UBAP1: variants seen among roughly 807,000 people sequenced by gnomAD.
UBAP1 encodes ubiquitin associated protein 1, also known as ubiquitin-associated protein 1.
A neutral mutation model predicts 39.0 loss-of-function variants in UBAP1; 5 were observed. The ratio of observed to expected loss-of-function variants is 0.13; its 90% CI spans 0.07 to 0.27. The LOEUF (loss-of-function observed/expected upper bound fraction) is 0.27, where lower values mean the gene tolerates loss of function less well. Ranked by LOEUF, UBAP1 falls within the 10% of genes least tolerant of loss-of-function variation. UBAP1 has a pLI of 1.00. For synonymous variants in UBAP1, 211 were observed against 225.1 expected (o/e 0.94, Z 0.56); for missense variants, 490 against 608.1 (o/e 0.81, Z 2.04).
intron 4 of UBAP1, among the ~76,000 whole-genome samples, chr9:34,246,411 T>C (rs777038710): frequency 2.6e-5 from 4 of 152,238 alleles, no homozygotes; most frequent in Non-Finnish European, 5.9e-5. Flanking sequence ...GAAGAAGAGA[T>C]GGTAAAGACA....
At chr9:34,204,614 T>G (rs1165202010) in intron 1 of UBAP1, among the ~76,000 whole-genome samples, 2 of 152,294 alleles carry the variant, frequency 1.3e-5, no homozygotes, top group East Asian at 3.9e-4. Context: ...GTCCTTTAAT[T>G]CTGGAAAGAA....
intron 1 of UBAP1, among the ~76,000 whole-genome samples, chr9:34,179,515 G>A (rs1346640782): frequency 6.6e-6 from 1 of 152,062 alleles, no homozygotes; most frequent in Non-Finnish European, 1.5e-5. Context: ...CTGGAAGACA[G>A]GCATAGTAGA....
chr9:34,184,452 A>T (rs755562392), intron 1 of UBAP1, among the ~76,000 whole-genome samples: 76 of 150,064 alleles, frequency 5.1e-4, no homozygotes, highest in Non-Finnish European at 6.9e-4. Flanking sequence ...TAACACGGTG[A>T]AACCCTGTCT....
intron 1 of UBAP1, among the ~76,000 whole-genome samples, chr9:34,192,396 TC>T (rs1830777779): frequency 1.3e-5 from 2 of 151,262 alleles, no homozygotes; most frequent in Admixed American, 6.6e-5. Context: ...ACGCCTGTGA[TC>T]CCAGCTACTC....
chr9:34,236,631 C>T (rs76004159), intron 3 of UBAP1, among the ~76,000 whole-genome samples: 1,733 of 152,186 alleles, frequency 0.011, 38 homozygotes, highest in African/African-American at 0.039. Flanking sequence ...TGTCCTCATT[C>T]TCTTTTCAGT....
intron 1 of UBAP1, among the ~76,000 whole-genome samples, chr9:34,195,654 A>G (rs1830989632): frequency 2.0e-5 from 3 of 150,960 alleles, no homozygotes; most frequent in South Asian, 2.1e-4. Flanking sequence ...CTGGAGTGCA[A>G]TGGCGCGATC....
At chr9:34,224,406 T>G in intron 2 of UBAP1, 1 of 416,088 alleles carries the variant, frequency 2.4e-6, no homozygotes, top group Non-Finnish European at 4.5e-6. Context: ...TGATCCTTGT[T>G]TTGCAAATAC....
intron 1 of UBAP1, among the ~76,000 whole-genome samples, chr9:34,182,522 T>C (rs560130154): frequency 6.6e-6 from 1 of 152,242 alleles, no homozygotes; most frequent in South Asian, 2.1e-4. Context: ...AAAATTCTTA[T>C]TATTTTCAGC....
At chr9:34,235,638 CA>C (rs1352535065) in intron 3 of UBAP1, among the ~76,000 whole-genome samples, 2 of 151,894 alleles carry the variant, frequency 1.3e-5, no homozygotes, top group African/African-American at 4.8e-5. Flanking sequence ...TGCGCCCGGT[CA>C]AAAAATTGTT....
At chr9:34,189,859 C>G (rs1830620200) in intron 1 of UBAP1, among the ~76,000 whole-genome samples, 1 of 151,972 alleles carries the variant, frequency 6.6e-6, no homozygotes, top group Non-Finnish European at 1.5e-5. Context: ...TGGACTTGAA[C>G]TCCTGACCTC....
chr9:34,210,611 T>C (rs1164548606), intron 1 of UBAP1, among the ~76,000 whole-genome samples: 2 of 151,618 alleles, frequency 1.3e-5, no homozygotes, highest in African/African-American at 4.8e-5. Flanking sequence ...ACCAGCTACC[T>C]GGGAGGCTGA....
At chr9:34,233,129 G>A (rs938687998) in intron 2 of UBAP1, among the ~76,000 whole-genome samples, 7 of 151,968 alleles carry the variant, frequency 4.6e-5, no homozygotes, top group Non-Finnish European at 8.8e-5. Flanking sequence ...TGATTTTGTC[G>A]GGTTTTCCCC....
intron 4 of UBAP1, among the ~76,000 whole-genome samples, chr9:34,247,676 G>GC (rs760187919): frequency 1.3e-5 from 2 of 152,068 alleles, no homozygotes; most frequent in Non-Finnish European, 2.9e-5. Flanking sequence ...TGCCTGCCTT[G>GC]CCCCCCAAAG....
intron 2 of UBAP1, among the ~76,000 whole-genome samples, chr9:34,232,712 CG>C (rs1305927019): frequency 6.6e-6 from 1 of 152,154 alleles, no homozygotes; most frequent in African/African-American, 2.4e-5. Flanking sequence ...ACACAGTTTT[CG>C]TAAGGAAAGA....
chr9:34,247,713 T>TCACC (rs1834251536), intron 4 of UBAP1, among the ~76,000 whole-genome samples: 2 of 152,048 alleles, frequency 1.3e-5, no homozygotes, highest in Admixed American at 1.3e-4. Context: ...GTGAGACACC[T>TCACC]CACCCGCTGT....
At chr9:34,230,132 C>G (rs570278925) in intron 2 of UBAP1, among the ~76,000 whole-genome samples, 134 of 152,236 alleles carry the variant, frequency 8.8e-4, no homozygotes, top group African/African-American at 3.0e-3. Context: ...GGTGTGATCT[C>G]AGCTCACTGC....
chr9:34,247,681 C>A (rs530919576), intron 4 of UBAP1, among the ~76,000 whole-genome samples: 3 of 152,234 alleles, frequency 2.0e-5, no homozygotes, highest in Non-Finnish European at 2.9e-5. Context: ...GCCTTGCCCC[C>A]CAAAGTGCTG....
At chr9:34,180,360 C>G (rs1829947219) in intron 1 of UBAP1, among the ~76,000 whole-genome samples, 1 of 151,888 alleles carries the variant, frequency 6.6e-6, no homozygotes, top group Non-Finnish European at 1.5e-5. Context: ...ACTAAAAAGC[C>G]AGCCGGGCGT....
At chr9:34,207,050 T>TTC (rs1215742443) in intron 1 of UBAP1, among the ~76,000 whole-genome samples, 3 of 88,738 alleles carry the variant, frequency 3.4e-5, no homozygotes, top group African/African-American at 1.6e-4. Context: ...TGTTATTTCT[T>TTC]TTTTTTTTTT....
Sources: allele counts gnomAD v4.1 joint callset (sites outside exome capture counted in the v4.1 genomes callset), GRCh38; gene constraint gnomAD v4.1.1; transcripts MANE v1.5; gene names NCBI Gene and HGNC (gene_info 2026-07-23, HGNC 2026-07-21).